MACROD2: variants seen among roughly 807,000 people sequenced by gnomAD.
MACROD2 encodes the protein mono-ADP ribosylhydrolase 2.
Under a neutral mutation model 70.4 loss-of-function variants are expected in MACROD2, and 36 were observed. That is an observed-to-expected ratio of 0.51 (90% CI 0.39 to 0.68). MACROD2 has a LOEUF of 0.68. Among genes scored for constraint, MACROD2 ranks in the 30% least tolerant of loss-of-function variants. MACROD2 has a pLI of 0.00. For synonymous variants in MACROD2, 172 were observed against 178.8 expected (o/e 0.96, Z 0.30); for missense variants, 496 against 538.4 (o/e 0.92, Z 0.78).
At chr20:14,540,546 G>C (rs1404639103) in intron 4 of MACROD2, among the ~76,000 whole-genome samples, 1 of 152,120 alleles carries the variant, frequency 6.6e-6, no homozygotes, top group Non-Finnish European at 1.5e-5. Context: ...GAATGGCCCT[G>C]GGAGCACAAT....
intron 3 of MACROD2, among the ~76,000 whole-genome samples, chr20:14,149,007 C>T (rs537431357): frequency 6.6e-6 from 1 of 152,092 alleles, no homozygotes; most frequent in South Asian, 2.1e-4. Context: ...ACTCTTCTTC[C>T]CCTACCTCTC....
chr20:14,586,861 A>G (rs1346347663), intron 4 of MACROD2, among the ~76,000 whole-genome samples: 11 of 152,012 alleles, frequency 7.2e-5, no homozygotes, highest in Admixed American at 5.9e-4. Context: ...TTTAGTTACT[A>G]TAGCCTCATA....
At chr20:15,873,368 A>T (rs1371022336) in intron 9 of MACROD2, among the ~76,000 whole-genome samples, 3 of 152,038 alleles carry the variant, frequency 2.0e-5, no homozygotes, top group African/African-American at 4.8e-5. Context: ...TACTGTTTTG[A>T]TGTTAGCACT....
At chr20:14,244,033 A>G (rs1011420993) in intron 3 of MACROD2, among the ~76,000 whole-genome samples, 1 of 152,030 alleles carries the variant, frequency 6.6e-6, no homozygotes, top group Non-Finnish European at 1.5e-5. Flanking sequence ...GAACATCTAA[A>G]GATAATCATC....
chr20:14,296,515 T>C (rs1212161468), intron 3 of MACROD2, among the ~76,000 whole-genome samples: 1 of 151,986 alleles, frequency 6.6e-6, no homozygotes, highest in African/African-American at 2.4e-5. Flanking sequence ...ATCACACAAA[T>C]GTAATGTTTG....
chr20:15,377,824 T>G (rs1290154406), intron 6 of MACROD2, among the ~76,000 whole-genome samples: 1 of 152,220 alleles, frequency 6.6e-6, no homozygotes, highest in South Asian at 2.1e-4. Flanking sequence ...CATTAGTCAC[T>G]GATGATGACA....
intron 3 of MACROD2, among the ~76,000 whole-genome samples, chr20:14,405,718 A>T (rs1430443792): frequency 6.6e-6 from 1 of 152,152 alleles, no homozygotes; most frequent in Non-Finnish European, 1.5e-5. Context: ...ACAAATTCAT[A>T]TTTGTACCTA....
At chr20:14,875,686 T>C (rs6135287) in intron 5 of MACROD2, among the ~76,000 whole-genome samples, 23,901 of 151,946 alleles carry the variant, frequency 0.16, 2,019 homozygotes, top group Middle Eastern at 0.25. Context: ...CATCTTTATG[T>C]CCATGTGTGC....
At chr20:15,862,677 C>A in intron 8 of MACROD2, 68 bp from the exon 9 acceptor site, 1 of 1,276,466 alleles carries the variant, frequency 7.8e-7, no homozygotes, top group Admixed American at 2.0e-5. Context: ...TTTTGTTCTA[C>A]GGCTATGTCC....
At chr20:14,296,222 C>A (rs1030208772) in intron 3 of MACROD2, among the ~76,000 whole-genome samples, 1 of 151,780 alleles carries the variant, frequency 6.6e-6, no homozygotes, top group Admixed American at 6.6e-5. Context: ...GATACAATGA[C>A]CTTGGGAAAA....
intron 3 of MACROD2, among the ~76,000 whole-genome samples, chr20:14,342,035 G>A (rs2083018351): frequency 6.6e-6 from 1 of 151,954 alleles, no homozygotes; most frequent in African/African-American, 2.4e-5. Context: ...GCCCCTGCAC[G>A]GAGCCCTGGG....
chr20:15,231,107 G>A (rs2076955667), intron 6 of MACROD2, among the ~76,000 whole-genome samples: 1 of 152,016 alleles, frequency 6.6e-6, no homozygotes, highest in Admixed American at 6.5e-5. Flanking sequence ...ATTATGAAGT[G>A]CATTTTTCAA....
chr20:14,304,278 G>A (rs1264924193), intron 3 of MACROD2, among the ~76,000 whole-genome samples: 1 of 152,064 alleles, frequency 6.6e-6, no homozygotes, highest in Non-Finnish European at 1.5e-5. Flanking sequence ...TATTCCAAAC[G>A]TGTTCTGCCC....
intron 6 of MACROD2, among the ~76,000 whole-genome samples, chr20:15,318,877 AAACCTTT>A (rs1239625052): frequency 6.6e-6 from 1 of 152,172 alleles, no homozygotes; most frequent in Non-Finnish European, 1.5e-5. Flanking sequence ...TGAAAGACTG[AAACCTTT>A]CTCTTTAAAA....
At chr20:15,188,794 T>C (rs1290286558) in intron 5 of MACROD2, among the ~76,000 whole-genome samples, 1 of 152,182 alleles carries the variant, frequency 6.6e-6, no homozygotes, top group African/African-American at 2.4e-5. Context: ...CCAATCTGCT[T>C]GGCAATTTGT....
At chr20:15,091,733 A>C (rs1459147856) in intron 5 of MACROD2, among the ~76,000 whole-genome samples, 1 of 152,160 alleles carries the variant, frequency 6.6e-6, no homozygotes, top group African/African-American at 2.4e-5. Flanking sequence ...AGCTTCTGAA[A>C]CACAATATGC....
Position 15,689,554 on chromosome 20 carries a change from T to C in MACROD2, c.646-173191T>C, listed in dbSNP as rs112498533. 2.7e-3 allele frequency among the ~76,000 whole-genome samples: 412 copies of C among 152,250 alleles called. 4 individuals carry two copies. Among genetic ancestry groups the C allele is most frequent in the African/African-American group, 9.1e-3 (379 of 41,544 alleles). On this transcript the variant is annotated intron_variant, in intron 8 of 17. Transcript: ENST00000684519. ...AATCTAAAGAAGAAGGATTTAGCCC[T>C]ATGAAAAATCAGAGGGAAGCATTCA...
At chr20:14,310,889 TATAGAC>T (rs1172932003) in intron 3 of MACROD2, among the ~76,000 whole-genome samples, 1 of 152,062 alleles carries the variant, frequency 6.6e-6, no homozygotes, top group Non-Finnish European at 1.5e-5. Flanking sequence ...GAAAAAAACT[TATAGAC>T]TAAAGGTAGG....
chr20:15,192,067 ACT>A (rs754208219), intron 5 of MACROD2, among the ~76,000 whole-genome samples: 1 of 134,252 alleles, frequency 7.4e-6, no homozygotes, highest in Non-Finnish European at 1.6e-5. Flanking sequence ...TCTATCTAAA[ACT>A]CTCTCTCTCT....
Sources: allele counts gnomAD v4.1 joint callset (sites outside exome capture counted in the v4.1 genomes callset), GRCh38; gene constraint gnomAD v4.1.1; transcripts MANE v1.5; gene names NCBI Gene and HGNC (gene_info 2026-07-23, HGNC 2026-07-21).